CDKL2: variants seen among roughly 807,000 people sequenced by gnomAD.
CDKL2 encodes cyclin-dependent kinase-like 2.
In CDKL2, 64 loss-of-function variants were observed where a neutral mutation model predicts 63.9. The ratio of observed to expected loss-of-function variants is 1.00; its 90% CI spans 0.82 to 1.23. The LOEUF is 1.23. CDKL2 is among the 50% of genes most tolerant of loss of function. CDKL2 has a pLI of 0.00. For synonymous variants in CDKL2, 211 were observed against 229.2 expected, an observed-to-expected ratio of 0.92 and a Z score of 0.72; for missense variants, 656 against 668.0, an observed-to-expected ratio of 0.98 and a Z score of 0.20.
intron 1 of CDKL2, among the ~76,000 whole-genome samples, chr4:75,626,464 A>G (rs1385104673): frequency 2.6e-5 from 4 of 152,130 alleles, no homozygotes; most frequent in Non-Finnish European, 4.4e-5. Flanking sequence ...CGGGAGATTG[A>G]GACCATCCTG....
At chr4:75,607,623 C>G (rs1729477257) in intron 3 of CDKL2, among the ~76,000 whole-genome samples, 1 of 152,058 alleles carries the variant, frequency 6.6e-6, no homozygotes, top group Non-Finnish European at 1.5e-5. Flanking sequence ...GTACTGCTCT[C>G]AAGACTAAGA....
chr4:75,605,080 G>A (rs1233902791), intron 5 of CDKL2, among the ~76,000 whole-genome samples: 1 of 152,078 alleles, frequency 6.6e-6, no homozygotes, highest in Non-Finnish European at 1.5e-5. Context: ...GTGGCTGGGC[G>A]CGGTGGCTCA....
chr4:75,585,713 G>A (rs764045170), intron 12 of CDKL2, among the ~76,000 whole-genome samples: 20 of 152,144 alleles, frequency 1.3e-4, no homozygotes, highest in Non-Finnish European at 2.8e-4. Context: ...TTGAGTTCAG[G>A]AGGTCAAGAC....
At position 75,576,568 on chromosome 4, in the gene CDKL2, GC is replaced by G. The variant is rs1244922257; in HGVS notation, c.*2633del. On this transcript the variant is annotated 3_prime_UTR_variant, in exon 14 of 14. Transcript: ENST00000307465. ...CTCTTCTAGTGCAAAAACACTTAAT[GC>G]AAAAAACAACAGAGAAAAATCCATT... is the stretch of plus-strand genomic sequence containing the variant. Among the ~76,000 whole-genome samples, 1 of 152,124 alleles carries G rather than the reference GC, an allele frequency of 6.6e-6. No homozygotes were observed. The highest frequency in any genetic ancestry group is 1.5e-5 in the Non-Finnish European group (1 of 68,012).
intron 12 of CDKL2, among the ~76,000 whole-genome samples, chr4:75,590,930 T>C (rs959862157): frequency 3.3e-5 from 5 of 152,188 alleles, no homozygotes; most frequent in Non-Finnish European, 7.3e-5. Context: ...TTGTAGCTAG[T>C]TATGGTTGGC....
At position 75,603,745 on chromosome 4, in the gene CDKL2, A is replaced by C. The variant is rs1729303364; in HGVS notation, c.795+72T>G. 23 of 160,638 alleles carry C rather than the reference A, an allele frequency of 1.4e-4. No individual in the cohort carries two copies. In the South Asian group the frequency reaches 3.6e-3, roughly 25 times the overall value. The allele number at this position is 160,638 out of a possible 1,614,324, so 10.0% of individuals were successfully genotyped here. ...AAAAAAAAAGATCAACTAGACAAGT[A>C]AAAAAAAAAAAAAAAGGTCTTGATA... On this transcript the variant is annotated intron_variant, in intron 6 of 13. Transcript: ENST00000307465.
intron 6 of CDKL2, among the ~76,000 whole-genome samples, chr4:75,602,641 C>A (rs141323649): frequency 0.01 from 1,575 of 152,312 alleles, 33 homozygotes; most frequent in African/African-American, 0.036. Context: ...CCTGTCTCAG[C>A]ATCCCGAGTA....
At chr4:75,589,094 A>C (rs1357405038) in intron 12 of CDKL2, among the ~76,000 whole-genome samples, 1 of 152,214 alleles carries the variant, frequency 6.6e-6, no homozygotes, top group African/African-American at 2.4e-5. Flanking sequence ...TGTGCAAATA[A>C]GCACATGAAA....
At chr4:75,590,083 C>T (rs1433740783) in intron 12 of CDKL2, among the ~76,000 whole-genome samples, 2 of 152,044 alleles carry the variant, frequency 1.3e-5, no homozygotes, top group African/African-American at 4.8e-5. Flanking sequence ...GGGAAGATTG[C>T]CTAAGCCCAG....
At position 75,591,850 on chromosome 4, in the gene CDKL2, T is replaced by A. The variant is rs2148868340; in HGVS notation, c.1616A>T (p.Asp539Val). The A allele has an allele frequency of 6.5e-7, 1 of 1,535,856 alleles. No individual in the cohort carries two copies. Among genetic ancestry groups the A allele is most frequent in the Non-Finnish European group, 8.7e-7 (1 of 1,146,762 alleles). ...TAATGTAATACTGGGGGTGTGCAGG[T>A]CAATAGCAGCCAGAGAAGGAATTCG... is the stretch of plus-strand genomic sequence containing the variant. ...ESRIPSLAAIDLHTPSITLHQ... is the reference protein window; with the variant it reads ...ESRIPSLAAIVLHTPSITLHQ... Residue 539 changes from aspartate to valine, a missense_variant, in exon 12 of 14, where the codon GAC (aspartate) becomes GTC (valine). Asp to Val is a radical substitution (Grantham distance 152). Transcript: ENST00000307465.
rs2148852015 is a variant in CDKL2, at chr4:75,578,816, T to G, written c.*386A>C. On this transcript the variant is annotated 3_prime_UTR_variant, in exon 14 of 14. Coordinates refer to ENST00000307465, the MANE Select transcript of CDKL2 (RefSeq NM_001330724.2). ...AGTTCAATGCATGAGTAACATGGCC[T>G]TTTATAGTATTTCTCTCTGTCCCCC... 6.5e-6 allele frequency: 1 copy of G among 152,776 alleles called. No individual in the cohort carries two copies. Among genetic ancestry groups the G allele is most frequent in the South Asian group, 2.1e-4 (1 of 4,824 alleles). The allele number at this position is 152,776 out of a possible 1,614,324, so 9.5% of individuals were successfully genotyped here.
At chr4:75,586,356 G>T (rs1202169040) in intron 12 of CDKL2, among the ~76,000 whole-genome samples, 1 of 151,880 alleles carries the variant, frequency 6.6e-6, no homozygotes, top group Non-Finnish European at 1.5e-5. Flanking sequence ...CTCCCGAGTA[G>T]CTGGGACTAC....
intron 3 of CDKL2, among the ~76,000 whole-genome samples, chr4:75,610,676 C>T (rs920177652): frequency 2.0e-5 from 3 of 152,082 alleles, no homozygotes; most frequent in African/African-American, 4.8e-5. Flanking sequence ...CAGTCTGGCT[C>T]ATAAAGGATT....
At chr4:75,593,156 T>C (rs1159198916) in intron 10 of CDKL2, among the ~76,000 whole-genome samples, 2 of 152,158 alleles carry the variant, frequency 1.3e-5, no homozygotes, top group African/African-American at 4.8e-5. Context: ...TTCTTTTGGA[T>C]GTTTCTGCTT....
At chr4:75,590,035 T>G (rs1728647862) in intron 12 of CDKL2, among the ~76,000 whole-genome samples, 1 of 150,866 alleles carries the variant, frequency 6.6e-6, no homozygotes. Flanking sequence ...GGTGTGTTGG[T>G]GCACTCCCGT....
intron 12 of CDKL2, among the ~76,000 whole-genome samples, chr4:75,589,004 A>G (rs2148864433): frequency 6.6e-6 from 1 of 152,348 alleles, no homozygotes; most frequent in East Asian, 1.9e-4. Context: ...ATGACTCAAC[A>G]ATGTGAAAAC....
chr4:75,627,080 A>C (rs549647897), intron 1 of CDKL2, among the ~76,000 whole-genome samples: 50 of 143,184 alleles, frequency 3.5e-4, no homozygotes, highest in African/African-American at 1.2e-3. Context: ...GTGCACCCCT[A>C]TAGTCCCAGC....
At chr4:75,603,980 C>A in intron 5 of CDKL2, 24 bp from the exon 6 acceptor site, 1 of 1,592,322 alleles carries the variant, frequency 6.3e-7, no homozygotes, top group Non-Finnish European at 8.5e-7. Flanking sequence ...CAGCACATAT[C>A]TCTGTTATTA....
In CDKL2 at chr4:75,579,013, T is replaced by C. The variant is rs1426656206; in HGVS notation, c.*189A>G. The stretch of plus-strand genomic sequence containing the variant: ...CAGTTGGGGAGGGCCATTTGTTCAA[T>C]CTTCCTTTGAAACATTTGGAAGTCT... On this transcript the variant is annotated 3_prime_UTR_variant, in exon 14 of 14. Transcript: ENST00000307465. 6.6e-6 allele frequency: 1 copy of C among 152,654 alleles called. No individual in the cohort carries two copies. The highest frequency in any genetic ancestry group is 1.5e-5 in the Non-Finnish European group (1 of 68,040). The allele number at this position is 152,654 out of a possible 1,614,324, so 9.5% of individuals were successfully genotyped here.
Sources: allele counts gnomAD v4.1 joint callset (sites outside exome capture counted in the v4.1 genomes callset), GRCh38; gene constraint gnomAD v4.1.1; transcripts MANE v1.5; gene names NCBI Gene and HGNC (gene_info 2026-07-23, HGNC 2026-07-21).